ACTR3C: variants seen among roughly 807,000 people sequenced by gnomAD.
ACTR3C encodes the protein actin related protein 3C, also known as actin-related protein 3C.
A neutral mutation model predicts 26.3 loss-of-function variants in ACTR3C; 18 were observed. The ratio of observed to expected loss-of-function variants is 0.68; its 90% CI spans 0.47 to 1.01. The LOEUF (loss-of-function observed/expected upper bound fraction) is 1.01, where lower values mean the gene tolerates loss of function less well. ACTR3C is among the 50% of genes least tolerant of loss of function. The pLI is 0.00. For synonymous variants in ACTR3C, 55 were observed against 94.5 expected, an observed-to-expected ratio of 0.58 and a Z score of 2.42; for missense variants, 184 against 250.7, an observed-to-expected ratio of 0.73 and a Z score of 1.80.
the ACTR3C span, among the ~76,000 whole-genome samples, chr7:150,018,365 GA>G: frequency 6.7e-6 from 1 of 148,658 alleles, no homozygotes; most frequent in Admixed American, 6.6e-5. Context: ...TTTTGGAAAA[GA>G]ATGTATTTTC....
At chr7:150,204,228 T>C in the ACTR3C span, among the ~76,000 whole-genome samples, 3,940 of 126,538 alleles carry the variant, frequency 0.031, 178 homozygotes, top group East Asian at 0.093. Flanking sequence ...GCTACCTAGA[T>C]CCCACCTGGA....
chr7:150,019,573 A>G, the ACTR3C span, among the ~76,000 whole-genome samples: 1 of 149,670 alleles, frequency 6.7e-6, no homozygotes, highest in Middle Eastern at 3.2e-3. Flanking sequence ...GCCTGGTGAC[A>G]GAGCAAGACT....
chr7:150,180,034 A>C, the ACTR3C span, among the ~76,000 whole-genome samples: 915 of 150,910 alleles, frequency 6.1e-3, 33 homozygotes, highest in African/African-American at 0.022. Context: ...GGCCGGGCGC[A>C]GTGGCTCATG....
At chr7:149,948,807 C>A in the ACTR3C span, among the ~76,000 whole-genome samples, 7 of 151,948 alleles carry the variant, frequency 4.6e-5, no homozygotes, top group Non-Finnish European at 4.4e-5. Context: ...TACCAGGACA[C>A]CTTCACGGTC....
chr7:149,964,566 T>C, the ACTR3C span, among the ~76,000 whole-genome samples: 2 of 152,312 alleles, frequency 1.3e-5, no homozygotes, highest in South Asian at 2.1e-4. Flanking sequence ...GGTGTCCTCA[T>C]TAAGTGGCCC....
chr7:150,015,304 C>T, the ACTR3C span, among the ~76,000 whole-genome samples: 1 of 152,138 alleles, frequency 6.6e-6, no homozygotes, highest in Admixed American at 6.5e-5. Context: ...CAGTCCAAGG[C>T]AGTCTCTGAT....
At chr7:150,126,960 T>A in the ACTR3C span, among the ~76,000 whole-genome samples, 1 of 152,204 alleles carries the variant, frequency 6.6e-6, no homozygotes, top group African/African-American at 2.4e-5. Context: ...TTACAGCTTC[T>A]ACACTAAAAA....
the ACTR3C span, among the ~76,000 whole-genome samples, chr7:150,167,181 G>A: frequency 6.6e-5 from 10 of 150,480 alleles, no homozygotes; most frequent in African/African-American, 2.5e-4. Context: ...TCCCAGCAGT[G>A]GGATTACAGG....
chr7:149,899,263 T>A, the ACTR3C span, among the ~76,000 whole-genome samples: 5 of 109,712 alleles, frequency 4.6e-5, no homozygotes, highest in African/African-American at 1.0e-4. Context: ...GAATAGACAA[T>A]GCCACCGAGA....
chr7:150,045,897 T>G, the ACTR3C span, among the ~76,000 whole-genome samples: 1 of 152,216 alleles, frequency 6.6e-6, no homozygotes, highest in Non-Finnish European at 1.5e-5. Flanking sequence ...AGATTTAAGG[T>G]AAAAAGTACA....
chr7:150,288,029 C>T (rs1279139031), intron 4 of ACTR3C, among the ~76,000 whole-genome samples: 1 of 146,672 alleles, frequency 6.8e-6, no homozygotes, highest in Non-Finnish European at 1.5e-5. Context: ...CCACAGAAGG[C>T]CATGGCAGTA....
the ACTR3C span, among the ~76,000 whole-genome samples, chr7:150,088,693 A>G: frequency 1.3e-5 from 2 of 152,168 alleles, no homozygotes; most frequent in Admixed American, 6.5e-5. Context: ...TTGTTCTATC[A>G]TTTTGTACAG....
chr7:150,221,760 C>T, the ACTR3C span, among the ~76,000 whole-genome samples: 6 of 151,988 alleles, frequency 3.9e-5, no homozygotes, highest in Non-Finnish European at 7.4e-5. Flanking sequence ...TTTGGGAGGC[C>T]GAGGAGGGCG....
chr7:150,148,092 G>A, the ACTR3C span, among the ~76,000 whole-genome samples: 2 of 142,658 alleles, frequency 1.4e-5, no homozygotes, highest in South Asian at 2.3e-4. Flanking sequence ...AAACCCTCAT[G>A]ACATGAGTTT....
chr7:150,300,284 G>A (rs186742001), intron 1 of ACTR3C, among the ~76,000 whole-genome samples: 45 of 151,694 alleles, frequency 3.0e-4, no homozygotes, highest in Middle Eastern at 3.4e-3. Context: ...CCCGGGAGGC[G>A]GAGGTTGCGG....
the ACTR3C span, among the ~76,000 whole-genome samples, chr7:150,042,382 A>AG: frequency 3.4e-4 from 24 of 70,548 alleles, no homozygotes; most frequent in African/African-American, 1.2e-3. Context: ...CTAAGAGCAA[A>AG]GGGGGGAAGA....
the ACTR3C span, among the ~76,000 whole-genome samples, chr7:150,000,074 T>A: frequency 6.7e-6 from 1 of 149,798 alleles, no homozygotes; most frequent in Non-Finnish European, 1.5e-5. Flanking sequence ...GTATTTTTAA[T>A]CTATTATTTA....
chr7:149,945,510 A>G, the ACTR3C span, among the ~76,000 whole-genome samples: 57,842 of 152,028 alleles, frequency 0.38, 12,351 homozygotes, highest in Non-Finnish European at 0.47. Flanking sequence ...GCAGTGACAA[A>G]ATCAGATCAG....
At chr7:150,071,278 C>T in the ACTR3C span, among the ~76,000 whole-genome samples, 2 of 151,346 alleles carry the variant, frequency 1.3e-5, no homozygotes, top group African/African-American at 2.4e-5. Context: ...CGCCCGCCAC[C>T]GCGCCCAGCT....
Sources: allele counts gnomAD v4.1 joint callset (sites outside exome capture counted in the v4.1 genomes callset), GRCh38; gene constraint gnomAD v4.1.1; transcripts MANE v1.5; gene names NCBI Gene and HGNC (gene_info 2026-07-23, HGNC 2026-07-21).